Variants in TSHZ3 observed in about 807,000 individuals in gnomAD.
The protein encoded by TSHZ3 is teashirt zinc finger homeobox 3, also known as teashirt homolog 3.
TSHZ3 carries 10 observed loss-of-function variants against 64.5 expected under a neutral mutation model. That is an observed-to-expected ratio of 0.16 (90% CI 0.10 to 0.26). The LOEUF is 0.26. Ranked by LOEUF, TSHZ3 falls within the 10% of genes least tolerant of loss-of-function variation. The pLI is 1.00. For synonymous variants in TSHZ3, 608 were observed against 593.1 expected (o/e 1.03, Z -0.36); for missense variants, 1,242 against 1,421.7 (o/e 0.87, Z 2.03).
chr19:31,279,339 T>TGCTGCTGCTGCC lies in TSHZ3; in HGVS notation c.442_453dup (p.Gly148_Ser151dup). 1 of 1,613,884 alleles carries TGCTGCTGCTGCC rather than the reference T, an allele frequency of 6.2e-7. No individual in the cohort carries two copies. The highest frequency in any genetic ancestry group is 8.5e-7 in the Non-Finnish European group (1 of 1,179,934). ...CAGCTGCTGCTGCTGCTACTGCTGC[T>TGCTGCTGCTGCC]GCTGCTGCTGCCGTTGTTCTTCTCC... On this transcript the variant is annotated inframe_insertion, in exon 2 of 2. Transcript: ENST00000240587. The surrounding 1 kb of genome is among the most constrained non-coding windows in gnomAD (Gnocchi z 6.4).
chr19:31,191,903 C>T (rs1039231774), intron 5 of TSHZ3, among the ~76,000 whole-genome samples: 9 of 152,122 alleles, frequency 5.9e-5, no homozygotes, highest in Non-Finnish European at 1.2e-4. Context: ...ATACATTTTT[C>T]TTCTTTTGTA....
At chr19:31,271,058 C>T (rs1230886640), downstream of TSHZ3, among the ~76,000 whole-genome samples, 3 of 152,166 alleles carry the variant, frequency 2.0e-5, no homozygotes, top group South Asian at 4.1e-4. Flanking sequence ...TAAGTTACCC[C>T]TGGTGTCCAC....
intron 1 of TSHZ3, among the ~76,000 whole-genome samples, chr19:31,339,482 G>C (rs563307776): frequency 2.4e-4 from 36 of 152,210 alleles, no homozygotes; most frequent in African/African-American, 7.9e-4. Context: ...GCAAGCCACA[G>C]GGTACAGTAC....
chr19:31,270,660 G>A (rs1976123400), downstream of TSHZ3, among the ~76,000 whole-genome samples: 1 of 152,182 alleles, frequency 6.6e-6, no homozygotes, highest in Admixed American at 6.5e-5. Context: ...TGTGCCTGCT[G>A]TCCAAAGAGT....
At chr19:31,302,066 G>A (rs962390803) in intron 1 of TSHZ3, among the ~76,000 whole-genome samples, 1 of 152,204 alleles carries the variant, frequency 6.6e-6, no homozygotes, top group Non-Finnish European at 1.5e-5. Flanking sequence ...AGAAACGCAG[G>A]CAAAGGGGCC....
intron 5 of TSHZ3, among the ~76,000 whole-genome samples, chr19:31,160,127 AC>A (rs1974356218): frequency 6.6e-6 from 1 of 152,158 alleles, no homozygotes; most frequent in Non-Finnish European, 1.5e-5. Flanking sequence ...CTTTATATTA[AC>A]CCCGAGACAG....
intron 1 of TSHZ3, among the ~76,000 whole-genome samples, chr19:31,330,490 A>AGCCTG (rs1917050602): frequency 6.6e-6 from 1 of 152,204 alleles, no homozygotes; most frequent in Non-Finnish European, 1.5e-5. Context: ...TGGCCACAGC[A>AGCCTG]GCCTGGCCTG....
chr19:31,157,699 T>C (rs1338777760), intron 5 of TSHZ3, among the ~76,000 whole-genome samples: 1 of 152,216 alleles, frequency 6.6e-6, no homozygotes, highest in Non-Finnish European at 1.5e-5. Context: ...CTGGAAGGTG[T>C]CAACCTATTT....
intron 4 of TSHZ3, among the ~76,000 whole-genome samples, chr19:31,205,100 G>A (rs758482154): frequency 1.1e-4 from 16 of 152,134 alleles, no homozygotes; most frequent in Non-Finnish European, 2.2e-4. Flanking sequence ...TAGGAGATGA[G>A]CCAGTGAGGT....
intron 5 of TSHZ3, among the ~76,000 whole-genome samples, chr19:31,194,159 G>A (rs78664495): frequency 0.011 from 1,654 of 152,246 alleles, 29 homozygotes; most frequent in African/African-American, 0.037. Flanking sequence ...TGACTTATTG[G>A]AGTCTCAGTG....
chr19:31,201,257 A>G (rs1975082601), intron 5 of TSHZ3, among the ~76,000 whole-genome samples: 1 of 152,152 alleles, frequency 6.6e-6, no homozygotes, highest in Non-Finnish European at 1.5e-5. Context: ...TCGCCCAAAT[A>G]CACACACACA....
At chr19:31,152,430 G>A (rs774132722) in intron 6 of TSHZ3, among the ~76,000 whole-genome samples, 3 of 152,114 alleles carry the variant, frequency 2.0e-5, no homozygotes, top group Non-Finnish European at 4.4e-5. Context: ...TGGGAGGATT[G>A]CCGCTTCAGG....
At chr19:31,246,180 T>C (rs1481105197) in intron 1 of TSHZ3, among the ~76,000 whole-genome samples, 1 of 152,176 alleles carries the variant, frequency 6.6e-6, no homozygotes, top group Non-Finnish European at 1.5e-5. Context: ...TATCAAATCA[T>C]TTATATAAAA....
chr19:31,282,220 C>A (rs1387890852), intron 1 of TSHZ3, among the ~76,000 whole-genome samples: 1 of 152,126 alleles, frequency 6.6e-6, no homozygotes, highest in African/African-American at 2.4e-5. Flanking sequence ...CCCACTGAGA[C>A]TCAAGGAAAT....
Position 31,276,766 on chromosome 19 carries a change from C to T in TSHZ3, c.3027G>A (p.Leu1009=). Residue 1009 remains leucine, a synonymous_variant, in exon 2 of 2, where the codon CTG becomes CTA. Coordinates refer to ENST00000240587, the MANE Select transcript of TSHZ3 (RefSeq NM_020856.4). ...LGFRLRDLSK[L]STEQINSQIA... ...TCTGACTGTTAATCTGTTCGGTGGA[C>T]AGTTTGGATAAGTCCCGTAGCCGGA... The T allele has an allele frequency of 1.2e-6, 2 of 1,613,774 alleles. No individual in the cohort carries two copies. Among genetic ancestry groups the T allele is most frequent in the Non-Finnish European group, 1.7e-6 (2 of 1,179,730 alleles).
At chr19:31,190,772 T>C (rs73924597) in intron 5 of TSHZ3, among the ~76,000 whole-genome samples, 1,965 of 152,298 alleles carry the variant, frequency 0.013, 39 homozygotes, top group African/African-American at 0.044. Flanking sequence ...AAGGACTTTA[T>C]AGAAGCCATT....
At position 31,249,533 on chromosome 19, in the gene TSHZ3, T is replaced by C. The variant is rs938860845; in HGVS notation, n.64-6658A>G. ...CATGCGCGCCCGCACACACACACACTCTCCAAAGGGAAGCTTAATATATAA... is the reference window on the plus strand; with the variant it reads ...CATGCGCGCCCGCACACACACACACCCTCCAAAGGGAAGCTTAATATATAA... On this transcript the variant is annotated intron_variant and non_coding_transcript_variant, in intron 1 of 6. Transcript: ENST00000651361. 5.9e-5 allele frequency among the ~76,000 whole-genome samples: 9 copies of C among 151,474 alleles called. No individual in the cohort carries two copies. The South Asian group carries it at 6.3e-4, about 11-fold the overall frequency.
chr19:31,281,109 A>G (rs1422097859), intron 1 of TSHZ3, among the ~76,000 whole-genome samples: 1 of 152,174 alleles, frequency 6.6e-6, no homozygotes, highest in Non-Finnish European at 1.5e-5. Context: ...TTGCAGTGCT[A>G]ATTGCAAGGC....
intron 5 of TSHZ3, among the ~76,000 whole-genome samples, chr19:31,157,517 C>G (rs559664584): frequency 5.9e-5 from 9 of 152,258 alleles, no homozygotes; most frequent in Middle Eastern, 3.4e-3. Context: ...TAGCCCATTA[C>G]AGAATAACTG....
Sources: gnomAD v4.1 joint callset for allele counts (sites outside exome capture counted in the v4.1 genomes callset) on GRCh38, gnomAD v4.1.1 for gene constraint, Gnocchi (gnomAD v3.1) non-coding constraint, MANE v1.5 for transcripts, NCBI Gene and HGNC (gene_info 2026-07-23, HGNC 2026-07-21) for gene names.